TNR: variants seen among roughly 807,000 people sequenced by gnomAD.
The protein encoded by TNR is tenascin R.
Under a neutral mutation model 150.4 loss-of-function variants are expected in TNR, and 45 were observed. The ratio of observed to expected loss-of-function variants is 0.30; its 90% confidence interval spans 0.24 to 0.38. The LOEUF (loss-of-function observed/expected upper bound fraction) is 0.38, where lower values mean the gene tolerates loss of function less well. Ranked by LOEUF, TNR falls within the 10% of genes least tolerant of loss-of-function variation. The probability of loss-of-function intolerance (pLI) is 1.00; values close to 1 mark genes in which losing one functional copy is unlikely to be tolerated. For missense variants in TNR, 1,544 were observed against 1,759.1 expected (o/e 0.88, Z 2.19); for synonymous variants, 687 against 678.4 (o/e 1.01, Z -0.20).
intron 4 of TNR, among the ~76,000 whole-genome samples, chr1:175,401,298 G>A (rs1653691563): frequency 6.6e-6 from 1 of 152,152 alleles, no homozygotes; most frequent in African/African-American, 2.4e-5. Context: ...AGAAGCATGT[G>A]CGCTACAGAA....
intron 1 of TNR, among the ~76,000 whole-genome samples, chr1:175,553,754 AAC>A (rs764719033): frequency 5.3e-5 from 8 of 151,026 alleles, no homozygotes; most frequent in African/African-American, 1.5e-4. Context: ...CCCATCTTAA[AAC>A]ACACACACAC....
At chr1:175,612,795 GA>G (rs1181288639) in intron 1 of TNR, among the ~76,000 whole-genome samples, 2 of 152,192 alleles carry the variant, frequency 1.3e-5, no homozygotes, top group African/African-American at 4.8e-5. Context: ...CAAGTTTTCT[GA>G]AGATATGTTG....
At chr1:175,660,703 G>A (rs191939293) in intron 1 of TNR, among the ~76,000 whole-genome samples, 3 of 152,340 alleles carry the variant, frequency 2.0e-5, no homozygotes, top group Admixed American at 6.5e-5. Flanking sequence ...GGGACCCAGA[G>A]ACCACAGCTC....
chr1:175,690,185 C>G (rs1024670218), intron 1 of TNR, among the ~76,000 whole-genome samples: 1 of 152,142 alleles, frequency 6.6e-6, no homozygotes, highest in African/African-American at 2.4e-5. Context: ...ATCTTTATAA[C>G]TCAATAAACA....
intron 5 of TNR, among the ~76,000 whole-genome samples, chr1:175,394,925 C>T (rs1006264797): frequency 1.8e-4 from 27 of 152,146 alleles, no homozygotes; most frequent in African/African-American, 6.5e-4. Context: ...AGAGGAGACG[C>T]TTGGGAGTTA....
rs768303933 is a variant in TNR, at chr1:175,379,766, G to A, written c.1778-29C>T. 6.2e-6 allele frequency: 10 copies of A among 1,609,724 alleles called. No homozygotes were observed. In the East Asian group the frequency reaches 8.9e-5, roughly 14 times the overall value. ...AAAATAGACAGACATCACCAACATC[G>A]CACATGATAATGTAATGTACATTTG... On this transcript the variant is annotated intron_variant, in intron 8 of 22. Coordinates refer to ENST00000367674, the MANE Select transcript of TNR (RefSeq NM_003285.3).
chr1:175,725,745 G>C (rs779949399), intron 1 of TNR, among the ~76,000 whole-genome samples: 16 of 152,206 alleles, frequency 1.1e-4, no homozygotes, highest in Non-Finnish European at 2.1e-4. Context: ...TGATGTAAGA[G>C]ATATTAAGGA....
intron 1 of TNR, among the ~76,000 whole-genome samples, chr1:175,686,847 T>A (rs1482037401): frequency 6.6e-6 from 1 of 152,210 alleles, no homozygotes; most frequent in Non-Finnish European, 1.5e-5. Flanking sequence ...TGCGTAGTAT[T>A]CCATGGTGTA....
intron 1 of TNR, among the ~76,000 whole-genome samples, chr1:175,656,191 TATGTGG>T (rs368151871): frequency 1.1e-3 from 140 of 133,062 alleles, no homozygotes; most frequent in African/African-American, 4.1e-3. Context: ...TGTGTGTGTG[TATGTGG>T]TCTACCTTTT....
At chr1:175,620,678 G>A (rs543354782) in intron 1 of TNR, among the ~76,000 whole-genome samples, 10 of 152,272 alleles carry the variant, frequency 6.6e-5, no homozygotes, top group Admixed American at 4.6e-4. Context: ...CCTAGGATGC[G>A]CTCCTGAATT....
intron 2 of TNR, among the ~76,000 whole-genome samples, chr1:175,444,969 G>A (rs1655972422): frequency 6.6e-6 from 1 of 152,166 alleles, no homozygotes; most frequent in African/African-American, 2.4e-5. Flanking sequence ...GAGTTAGTAA[G>A]GCAGTAAGAA....
intron 1 of TNR, among the ~76,000 whole-genome samples, chr1:175,563,817 A>C (rs1661528588): frequency 6.6e-6 from 1 of 152,158 alleles, no homozygotes; most frequent in South Asian, 2.1e-4. Context: ...ATCAACTGTG[A>C]ACAATTGGGT....
intron 1 of TNR, among the ~76,000 whole-genome samples, chr1:175,663,638 A>T (rs1665445522): frequency 6.6e-6 from 1 of 151,844 alleles, no homozygotes. Context: ...AGTGACTAAA[A>T]GGAGGGAGGG....
intron 2 of TNR, among the ~76,000 whole-genome samples, chr1:175,500,842 T>C (rs1406823624): frequency 1.3e-5 from 2 of 152,316 alleles, no homozygotes; most frequent in East Asian, 1.9e-4. Flanking sequence ...TTAGCAGTTG[T>C]GCTGTTAGCT....
intron 1 of TNR, among the ~76,000 whole-genome samples, chr1:175,569,808 G>A (rs145656071): frequency 5.9e-5 from 9 of 152,266 alleles, no homozygotes; most frequent in African/African-American, 2.2e-4. Flanking sequence ...TATCGGGCAG[G>A]CAGATTTACA....
At position 175,363,636 on chromosome 1, in the gene TNR, C is replaced by T. The variant is rs573374997; in HGVS notation, c.2707+72G>A. ...AACGCAGGCAGGAGTGGATGTTCTG[C>T]GGGATATGCTAGTTCTCCCATAATC... On this transcript the variant is annotated intron_variant, in intron 13 of 22. Transcript: ENST00000367674. 782 of 1,537,520 alleles carry T rather than the reference C, an allele frequency of 5.1e-4. 3 individuals are homozygous for T. Among genetic ancestry groups the T allele is most frequent in the Middle Eastern group, 1.5e-3 (8 of 5,330 alleles).
chr1:175,532,008 A>G (rs1192826904), intron 1 of TNR, among the ~76,000 whole-genome samples: 4 of 152,236 alleles, frequency 2.6e-5, no homozygotes, highest in African/African-American at 9.6e-5. Context: ...GGCTTAGGTG[A>G]GTCATGGACT....
chr1:175,663,060 T>C (rs973856637), intron 1 of TNR, among the ~76,000 whole-genome samples: 3 of 152,182 alleles, frequency 2.0e-5, no homozygotes, highest in Non-Finnish European at 2.9e-5. Flanking sequence ...CCTTGGTAAG[T>C]GCACAAAAAA....
chr1:175,379,281 C>G (rs573083185), intron 9 of TNR, among the ~76,000 whole-genome samples: 91 of 151,468 alleles, frequency 6.0e-4, no homozygotes, highest in Non-Finnish European at 1.0e-3. Flanking sequence ...TAGATGAGAA[C>G]CTGGGAGACA....
Sources: gnomAD v4.1 joint callset for allele counts (sites outside exome capture counted in the v4.1 genomes callset) on GRCh38, gnomAD v4.1.1 for gene constraint, MANE v1.5 for transcripts, NCBI Gene and HGNC (gene_info 2026-07-23, HGNC 2026-07-21) for gene names.